The following ADAM19 variants were observed in gnomAD, a reference collection of about 807,000 sequenced individuals.
The protein encoded by ADAM19 is disintegrin and metalloproteinase domain-containing protein 19.
In ADAM19, 65 loss-of-function variants were observed where a neutral mutation model predicts 114.7. The ratio of observed to expected loss-of-function variants is 0.57; its 90% confidence interval spans 0.46 to 0.70. The LOEUF is 0.70. ADAM19 is among the 30% of genes least tolerant of loss of function. ADAM19 has a pLI of 0.00. For synonymous variants in ADAM19, 466 were observed against 460.5 expected (o/e 1.01, Z -0.15); for missense variants, 1,063 against 1,204.7 (o/e 0.88, Z 1.74).
Position 157,480,995 on chromosome 5 carries a change from T to C in ADAM19, c.2711A>G (p.Glu904Gly). The C allele has an allele frequency of 6.2e-7, 1 of 1,614,118 alleles. No homozygotes were observed. The highest frequency in any genetic ancestry group is 8.5e-7 in the Non-Finnish European group (1 of 1,180,014). ...CCCTCCAGCCCTCTGTGATCTGTAT[T>C]CTGGAAACTGGGAAGAAAAAGAAGG... ...PLAALAPKFP[E>G]YRSQRAGGMI... Residue 904 changes from glutamate to glycine, a missense_variant, in exon 23 of 23, where the codon GAA becomes GGA. Transcript: ENST00000257527.
intron 13 of ADAM19, among the ~76,000 whole-genome samples, chr5:157,498,202 C>T (rs1755429258): frequency 7.6e-6 from 1 of 131,450 alleles, no homozygotes; most frequent in Non-Finnish European, 1.6e-5. Flanking sequence ...GGCTTCTCCA[C>T]CGGCCACTCT....
chr5:157,502,601 G>A (rs928736344), intron 12 of ADAM19, among the ~76,000 whole-genome samples: 2 of 152,216 alleles, frequency 1.3e-5, no homozygotes, highest in Admixed American at 6.5e-5. Context: ...GGACACTAGC[G>A]ATGCTGGCCA....
At chr5:157,572,835 A>G (rs1757869921) in intron 1 of ADAM19, among the ~76,000 whole-genome samples, 2 of 152,288 alleles carry the variant, frequency 1.3e-5, no homozygotes, top group South Asian at 4.1e-4. Flanking sequence ...GGATCACCTG[A>G]AGTCAGGAGT....
chr5:157,488,528 C>T, intron 20 of ADAM19, 39 bp from the exon 21 acceptor site: 1 of 1,485,040 alleles, frequency 6.7e-7, no homozygotes, highest in Non-Finnish European at 9.1e-7. Flanking sequence ...GACAAGAAAT[C>T]ACTCAGGGCT....
chr5:157,498,909 C>A (rs1298585563), intron 13 of ADAM19, among the ~76,000 whole-genome samples: 5 of 152,074 alleles, frequency 3.3e-5, no homozygotes, highest in Non-Finnish European at 5.9e-5. Context: ...AGTTTTGCCA[C>A]CAAATGTGTT....
intron 3 of ADAM19, among the ~76,000 whole-genome samples, chr5:157,560,133 C>T (rs1218606561): frequency 4.0e-5 from 6 of 150,186 alleles, no homozygotes; most frequent in Non-Finnish European, 6.0e-5. Flanking sequence ...GGCGTAGTGG[C>T]GGGCGCCTGT....
intron 12 of ADAM19, among the ~76,000 whole-genome samples, chr5:157,501,754 C>G (rs1581305548): frequency 1.3e-5 from 2 of 151,966 alleles, no homozygotes; most frequent in East Asian, 3.9e-4. Flanking sequence ...AAAATCACAT[C>G]ACAGAGGTCA....
At chr5:157,514,104 T>G (rs1348085548) in intron 7 of ADAM19, among the ~76,000 whole-genome samples, 1 of 152,066 alleles carries the variant, frequency 6.6e-6, no homozygotes, top group East Asian at 1.9e-4. Flanking sequence ...ACCCTGTACT[T>G]AAGGAGTATA....
intron 3 of ADAM19, among the ~76,000 whole-genome samples, chr5:157,540,279 C>T (rs917725061): frequency 2.6e-5 from 4 of 152,212 alleles, no homozygotes; most frequent in African/African-American, 4.8e-5. Context: ...GGTGGTAAAA[C>T]GCAATGTGCT....
intron 3 of ADAM19, among the ~76,000 whole-genome samples, chr5:157,558,444 G>T (rs983585447): frequency 6.6e-6 from 1 of 152,338 alleles, no homozygotes; most frequent in Non-Finnish European, 1.5e-5. Context: ...CTTGAGCCAT[G>T]TGTATTTTAA....
At chr5:157,570,847 C>T (rs756718706) in intron 2 of ADAM19, 48 bp downstream of exon 2, 3 of 1,542,182 alleles carry the variant, frequency 1.9e-6, no homozygotes, top group South Asian at 2.3e-5. Flanking sequence ...TAGCCCAAAC[C>T]TCAGTTGTCA....
intron 5 of ADAM19, among the ~76,000 whole-genome samples, chr5:157,522,043 C>A (rs2113744121): frequency 6.6e-6 from 1 of 152,306 alleles, no homozygotes; most frequent in East Asian, 1.9e-4. Flanking sequence ...AGCCTGTGAG[C>A]TAAACAGGAC....
rs758250010 is a variant in ADAM19, at chr5:157,524,863, G to A, written c.408-4832C>T. Among the ~76,000 whole-genome samples, 300 of 152,324 alleles carry A rather than the reference G, an allele frequency of 2.0e-3. 1 individual carries two copies. The highest frequency in any genetic ancestry group is 2.0e-3 in the Non-Finnish European group (138 of 68,024). On this transcript the variant is annotated intron_variant, in intron 5 of 22. Transcript: ENST00000257527. ...TAATAACCAAAGCAGCATTTTAAAA[G>A]AACAGCTAACGGTCATTGATTGTGT...
rs138547714 is a variant in ADAM19, at chr5:157,511,822, G to A, written c.738+1612C>T. Reference sequence around the variant, plus strand: ...CCGCCAGGAGTGACTAACACCAGCCGCGAGGAGAGAGCCAAGACGGCTGCA... The same window carrying A: ...CCGCCAGGAGTGACTAACACCAGCCACGAGGAGAGAGCCAAGACGGCTGCA... On this transcript the variant is annotated intron_variant, in intron 8 of 22. Transcript: ENST00000257527. Among the ~76,000 whole-genome samples the A allele has an allele frequency of 4.7e-3, 721 of 152,310 alleles. 7 individuals carry two copies. Among genetic ancestry groups the A allele is most frequent in the African/African-American group, 0.016 (659 of 41,560 alleles).
chr5:157,527,528 A>G (rs907073538), intron 5 of ADAM19, among the ~76,000 whole-genome samples: 2 of 152,096 alleles, frequency 1.3e-5, no homozygotes, highest in Admixed American at 6.6e-5. Flanking sequence ...ACACTTTTAA[A>G]CCATCAGATC....
At chr5:157,560,737 C>A (rs779926217) in intron 3 of ADAM19, among the ~76,000 whole-genome samples, 5 of 152,172 alleles carry the variant, frequency 3.3e-5, no homozygotes, top group Non-Finnish European at 5.9e-5. Flanking sequence ...TAGAAAAGGT[C>A]CAGGGTTTGC....
intron 9 of ADAM19, 142 bp from the exon 10 acceptor site, chr5:157,507,282 C>A: frequency 1.4e-6 from 1 of 720,826 alleles, no homozygotes; most frequent in Non-Finnish European, 2.4e-6. Context: ...GCCCTTGTAA[C>A]CAGGCCAACT....
intron 19 of ADAM19, among the ~76,000 whole-genome samples, chr5:157,489,527 C>T (rs1581290426): frequency 6.6e-6 from 1 of 152,188 alleles, no homozygotes; most frequent in African/African-American, 2.4e-5. Context: ...AGACCTGGGA[C>T]TTAAAATCCC....
chr5:157,545,818 A>C (rs893133531), intron 3 of ADAM19, among the ~76,000 whole-genome samples: 2 of 152,254 alleles, frequency 1.3e-5, no homozygotes, highest in South Asian at 4.1e-4. Context: ...AAGGCTCTTC[A>C]TGCAATCTCA....
Sources: gnomAD v4.1 joint callset for allele counts (sites outside exome capture counted in the v4.1 genomes callset) on GRCh38, gnomAD v4.1.1 for gene constraint, MANE v1.5 for transcripts, NCBI Gene and HGNC (gene_info 2026-07-23, HGNC 2026-07-21) for gene names.